The following C9 variants were observed in gnomAD, a reference collection of about 807,000 sequenced individuals.
C9 encodes the protein complement C9.
Under a neutral mutation model 65.4 loss-of-function variants are expected in C9, and 63 were observed. The ratio of observed to expected loss-of-function variants is 0.96; its 90% CI spans 0.79 to 1.19. C9 has a LOEUF of 1.19. C9 is among the 50% of genes most tolerant of loss of function. The probability of loss-of-function intolerance (pLI) is 0.00; values close to 1 mark genes in which losing one functional copy is unlikely to be tolerated. For missense variants in C9, 744 were observed against 670.1 expected (o/e 1.11, Z -1.22); for synonymous variants, 229 against 227.9 (o/e 1.00, Z -0.04).
intron 9 of C9, among the ~76,000 whole-genome samples, chr5:39,305,693 A>T (rs888662750): frequency 1.3e-5 from 2 of 152,182 alleles, no homozygotes; most frequent in Non-Finnish European, 2.9e-5. Flanking sequence ...ATATCTTTAC[A>T]ATGATAACAC....
intron 9 of C9, among the ~76,000 whole-genome samples, chr5:39,289,278 G>C (rs537049715): frequency 6.6e-6 from 1 of 151,588 alleles, no homozygotes; most frequent in East Asian, 1.9e-4. Context: ...TAAACTTCTG[G>C]CTTGATAATT....
chr5:39,324,880 G>A (rs754098516), intron 5 of C9, among the ~76,000 whole-genome samples: 1 of 151,726 alleles, frequency 6.6e-6, no homozygotes, highest in Admixed American at 6.5e-5. Context: ...TAGATTCAGA[G>A]AGAGAAGATC....
In C9 at chr5:39,285,175, T is replaced by C; in HGVS notation, c.*24A>G. On this transcript the variant is annotated 3_prime_UTR_variant, in exon 11 of 11. Transcript: ENST00000263408. Reference sequence around the variant, plus strand: ...AGGTACTAGTGTTTTCTTCTTCCACTGGAGCTCAGAGAAGCCAACAGCTCT... The same window carrying C: ...AGGTACTAGTGTTTTCTTCTTCCACCGGAGCTCAGAGAAGCCAACAGCTCT... The C allele has an allele frequency of 6.2e-7, 1 of 1,606,454 alleles. No individual in the cohort carries two copies.
intron 7 of C9, 108 bp from the exon 8 acceptor site, chr5:39,308,466 C>T (rs1036138424): frequency 3.8e-6 from 3 of 790,248 alleles, no homozygotes; most frequent in East Asian, 2.6e-5. Context: ...TTCCTATACA[C>T]CATGACTAAA....
At chr5:39,343,071 G>A (rs1042137511) in intron 1 of C9, among the ~76,000 whole-genome samples, 1 of 152,150 alleles carries the variant, frequency 6.6e-6, no homozygotes, top group Non-Finnish European at 1.5e-5. Context: ...AGCTGAACAG[G>A]AACAGCTCGT....
At chr5:39,349,920 C>G (rs189927670) in intron 1 of C9, among the ~76,000 whole-genome samples, 50 of 152,284 alleles carry the variant, frequency 3.3e-4, no homozygotes, top group Admixed American at 2.7e-3. Context: ...CTCTCTCTCT[C>G]TCTTATTTTT....
chr5:39,294,831 A>G (rs79805341), intron 9 of C9, among the ~76,000 whole-genome samples: 3,103 of 151,986 alleles, frequency 0.02, 113 homozygotes, highest in African/African-American at 0.069. Context: ...ATATTAGCAA[A>G]CTGATGGCAA....
At chr5:39,336,915 A>T (rs911837911) in intron 4 of C9, among the ~76,000 whole-genome samples, 1 of 152,126 alleles carries the variant, frequency 6.6e-6, no homozygotes, top group African/African-American at 2.4e-5. Context: ...TGATAAAAAG[A>T]ATTAGAGATC....
At position 39,306,602 on chromosome 5, in the gene C9, A is replaced by T; in HGVS notation, c.1416+15T>A. The T allele has an allele frequency of 6.3e-7, 1 of 1,599,568 alleles. No homozygotes were observed. Among genetic ancestry groups the T allele is most frequent in the South Asian group, 1.1e-5 (1 of 90,784 alleles). ...ATGACACAGTCTTCTGTTTGAAAAT[A>T]AACACGTTTCTTACTTTTTGACTAA... On this transcript the variant is annotated intron_variant, in intron 9 of 10. Coordinates refer to ENST00000263408, the MANE Select transcript of C9 (RefSeq NM_001737.5).
At chr5:39,363,588 C>A (rs1002695171) in intron 1 of C9, among the ~76,000 whole-genome samples, 2 of 152,196 alleles carry the variant, frequency 1.3e-5, no homozygotes, top group African/African-American at 4.8e-5. Flanking sequence ...TTTCAGTACT[C>A]TCCCCAGAAC....
chr5:39,363,443 T>G (rs1483055965), intron 1 of C9, among the ~76,000 whole-genome samples: 1 of 152,134 alleles, frequency 6.6e-6, no homozygotes, highest in Non-Finnish European at 1.5e-5. Flanking sequence ...GGCATCAAAG[T>G]TCAAAACAGC....
intron 7 of C9, among the ~76,000 whole-genome samples, chr5:39,309,419 G>A (rs760533922): frequency 9.9e-5 from 15 of 152,104 alleles, no homozygotes; most frequent in Non-Finnish European, 1.3e-4. Context: ...GCATTTAGGC[G>A]TTTATTCACC....
At chr5:39,353,825 A>G (rs141004455) in intron 1 of C9, among the ~76,000 whole-genome samples, 1 of 152,346 alleles carries the variant, frequency 6.6e-6, no homozygotes, top group African/African-American at 2.4e-5. Flanking sequence ...TTGAATATCA[A>G]ATACCTGAAA....
In C9 at chr5:39,306,840, G is replaced by A. The variant is rs368268028; in HGVS notation, c.1241-48C>T. ...AAGAGAAGCAGAAGAAGTTTAAAGA[G>A]AAGCCAGTTATCAAAAGGACATATG... On this transcript the variant is annotated intron_variant, in intron 8 of 10. Transcript: ENST00000263408. 3.0e-6 allele frequency: 4 copies of A among 1,344,228 alleles called. No homozygotes were observed. In the African/African-American group the frequency reaches 5.8e-5, roughly 19 times the overall value. The allele number at this position is 1,344,228 out of a possible 1,614,324, so 83.3% of individuals were successfully genotyped here.
intron 1 of C9, among the ~76,000 whole-genome samples, chr5:39,349,821 C>T (rs1158399945): frequency 2.0e-5 from 3 of 152,206 alleles, no homozygotes; most frequent in East Asian, 1.9e-4. Context: ...TTCTTCTCTG[C>T]CTGGTACTCC....
At chr5:39,355,632 G>A (rs1013209234) in intron 1 of C9, among the ~76,000 whole-genome samples, 4 of 152,144 alleles carry the variant, frequency 2.6e-5, no homozygotes, top group Non-Finnish European at 5.9e-5. Flanking sequence ...CCTGGGACTA[G>A]GACTTACATT....
At chr5:39,311,022 G>A (rs1225600980) in intron 7 of C9, 115 bp downstream of exon 7, 1 of 1,151,544 alleles carries the variant, frequency 8.7e-7, no homozygotes, top group Non-Finnish European at 1.3e-6. Context: ...CCTCTCAAAG[G>A]AGCAGGTTAC....
At chr5:39,288,602 C>G (rs927638248) in intron 10 of C9, 121 bp downstream of exon 10, 3 of 664,292 alleles carry the variant, frequency 4.5e-6, no homozygotes, top group Non-Finnish European at 8.2e-6. Context: ...CAATCTTTAT[C>G]TTCTGTTTAT....
chr5:39,358,924 A>C (rs986315302), intron 1 of C9, among the ~76,000 whole-genome samples: 3 of 151,202 alleles, frequency 2.0e-5, no homozygotes, highest in Non-Finnish European at 4.4e-5. Context: ...GGCGGAGCTT[A>C]CAGGGAGCCG....
Sources: allele counts gnomAD v4.1 joint callset (sites outside exome capture counted in the v4.1 genomes callset), GRCh38; gene constraint gnomAD v4.1.1; transcripts MANE v1.5; gene names NCBI Gene and HGNC (gene_info 2026-07-23, HGNC 2026-07-21).